The following CAMK2G variants were observed in gnomAD, a reference collection of about 807,000 sequenced individuals.
CAMK2G encodes the protein calcium/calmodulin dependent protein kinase II gamma, also known as calcium/calmodulin-dependent protein kinase type II subunit gamma.
In CAMK2G, 23 loss-of-function variants were observed where a neutral mutation model predicts 88.7. The ratio of observed to expected loss-of-function variants is 0.26; its 90% CI spans 0.19 to 0.37. The LOEUF (loss-of-function observed/expected upper bound fraction) is 0.37, where lower values mean the gene tolerates loss of function less well. Ranked by LOEUF, CAMK2G falls within the 10% of genes least tolerant of loss-of-function variation. CAMK2G has a pLI of 1.00. For missense variants in CAMK2G, 476 were observed against 780.8 expected, an observed-to-expected ratio of 0.61 and a Z score of 4.65; for synonymous variants, 263 against 294.8, an observed-to-expected ratio of 0.89 and a Z score of 1.11.
chr10:73,820,956 T>A (rs990501019), intron 18 of CAMK2G, among the ~76,000 whole-genome samples: 1 of 151,960 alleles, frequency 6.6e-6, no homozygotes, highest in African/African-American at 2.4e-5. Flanking sequence ...ATTACAGGCG[T>A]GAGCCACTAC....
At chr10:73,815,369 G>A (rs1017269775) in intron 21 of CAMK2G, 122 bp from the exon 22 acceptor site, 50 of 628,388 alleles carry the variant, frequency 8.0e-5, no homozygotes, top group Non-Finnish European at 1.0e-4. Flanking sequence ...TCCAAGTACC[G>A]CCCCCCCCCA....
rs187368861 is a variant in CAMK2G at position 73,836,487 on chromosome 10, C to T, written c.1053+981G>A. 7.2e-5 allele frequency among the ~76,000 whole-genome samples: 11 copies of T among 152,322 alleles called. No homozygotes were observed. The East Asian group carries it at 1.9e-3, about 27-fold the overall frequency. ...GGCAGAGCTTGGGGACCGCACGATG[C>T]CCCCAGCTCCATGTCAGAGGGTGTG... On this transcript the variant is annotated intron_variant, in intron 14 of 22. Transcript: ENST00000423381.
At chr10:73,867,002 G>A (rs536681456) in intron 2 of CAMK2G, among the ~76,000 whole-genome samples, 10 of 152,144 alleles carry the variant, frequency 6.6e-5, no homozygotes, top group Non-Finnish European at 8.8e-5. Context: ...AAGTCCATCC[G>A]ACACACAAGA....
intron 2 of CAMK2G, among the ~76,000 whole-genome samples, chr10:73,863,351 C>G (rs546396210): frequency 6.6e-6 from 1 of 152,204 alleles, no homozygotes; most frequent in Admixed American, 6.5e-5. Flanking sequence ...GGCCAGTGAC[C>G]TCCAGAAGCG....
intron 3 of CAMK2G, among the ~76,000 whole-genome samples, chr10:73,857,408 T>C (rs1405072249): frequency 6.6e-6 from 1 of 152,140 alleles, no homozygotes; most frequent in African/African-American, 2.4e-5. Flanking sequence ...CAGTTACTAA[T>C]TAGCAAATCC....
intron 2 of CAMK2G, among the ~76,000 whole-genome samples, chr10:73,870,243 G>A (rs555045982): frequency 3.3e-5 from 5 of 152,174 alleles, no homozygotes; most frequent in Non-Finnish European, 7.4e-5. Flanking sequence ...TCGGCCTAGT[G>A]GAGCTAAGCT....
chr10:73,826,411 C>T (rs1044618130), intron 15 of CAMK2G, among the ~76,000 whole-genome samples: 9 of 152,218 alleles, frequency 5.9e-5, no homozygotes, highest in Middle Eastern at 6.8e-3. Context: ...CCAGCCTGGG[C>T]AACAGAGCAA....
At chr10:73,863,360 C>T (rs1283568222) in intron 2 of CAMK2G, among the ~76,000 whole-genome samples, 2 of 152,196 alleles carry the variant, frequency 1.3e-5, no homozygotes, top group African/African-American at 4.8e-5. Flanking sequence ...CCTCCAGAAG[C>T]GAGGCACTCA....
At chr10:73,820,661 TAA>T (rs1490775828) in intron 18 of CAMK2G, among the ~76,000 whole-genome samples, 1 of 116,736 alleles carries the variant, frequency 8.6e-6, no homozygotes, top group African/African-American at 3.6e-5. Flanking sequence ...CACACCCGGC[TAA>T]TTTTTTTTTT....
chr10:73,850,727 T>C (rs1212138447), intron 5 of CAMK2G, among the ~76,000 whole-genome samples: 1 of 152,108 alleles, frequency 6.6e-6, no homozygotes, highest in African/African-American at 2.4e-5. Flanking sequence ...ATTCCTAAAA[T>C]CTGATGCTGG....
intron 13 of CAMK2G, 147 bp from the exon 14 acceptor site, chr10:73,837,658 C>G: frequency 1.4e-6 from 1 of 739,836 alleles, no homozygotes; most frequent in Admixed American, 1.9e-5. Context: ...CTTCCTATAG[C>G]CTCTCAGCAA....
intron 2 of CAMK2G, among the ~76,000 whole-genome samples, chr10:73,861,802 A>C (rs1289954451): frequency 1.3e-5 from 2 of 152,212 alleles, no homozygotes; most frequent in East Asian, 3.8e-4. Flanking sequence ...GATAATAAAG[A>C]GGTTGATGAT....
intron 21 of CAMK2G, chr10:73,816,239 C>T: frequency 1.0e-6 from 1 of 988,814 alleles, no homozygotes; most frequent in Non-Finnish European, 1.2e-6. Flanking sequence ...ACCCCCTATA[C>T]AAGACGTCTG....
intron 5 of CAMK2G, among the ~76,000 whole-genome samples, chr10:73,850,791 G>A (rs1363118963): frequency 6.6e-6 from 1 of 152,166 alleles, no homozygotes; most frequent in East Asian, 1.9e-4. Flanking sequence ...TGAAACTCGG[G>A]CCTCCCCATA....
At chr10:73,829,369 A>T (rs2133829958) in intron 14 of CAMK2G, among the ~76,000 whole-genome samples, 1 of 151,680 alleles carries the variant, frequency 6.6e-6, no homozygotes, top group South Asian at 2.1e-4. Flanking sequence ...ATCTCGGCTC[A>T]CTGCAACCTC....
rs1240638946 is a variant in CAMK2G at position 73,839,932 on chromosome 10, A to C, written c.947-331T>G. 6.6e-6 allele frequency among the ~76,000 whole-genome samples: 1 copy of C among 152,138 alleles called. No individual in the cohort carries two copies. The highest frequency in any genetic ancestry group is 1.5e-5 in the Non-Finnish European group (1 of 67,984). The stretch of plus-strand genomic sequence containing the variant: ...GAGAGGCAGGTGCCCCTTCTGAGGT[A>C]GCCCGGCCCTAGCTTAAGGCTGTGA... On this transcript the variant is annotated intron_variant, in intron 12 of 22. Transcript: ENST00000423381. The surrounding 1 kb of genome is among the most constrained non-coding windows in gnomAD (Gnocchi z 4.2).
At chr10:73,847,454 C>A in intron 9 of CAMK2G, 107 bp from the exon 10 acceptor site, 1 of 1,236,902 alleles carries the variant, frequency 8.1e-7, no homozygotes, top group Non-Finnish European at 1.2e-6. Flanking sequence ...CTCTGTGGTA[C>A]CTAAAGCTGT....
intron 5 of CAMK2G, among the ~76,000 whole-genome samples, chr10:73,851,409 C>G (rs1401004214): frequency 1.3e-5 from 2 of 152,066 alleles, no homozygotes; most frequent in Non-Finnish European, 2.9e-5. Context: ...GGGAACGGTC[C>G]TCAAGTTGGA....
intron 14 of CAMK2G, among the ~76,000 whole-genome samples, chr10:73,831,998 A>T (rs1590175767): frequency 6.6e-6 from 1 of 151,760 alleles, no homozygotes; most frequent in African/African-American, 2.4e-5. Flanking sequence ...CAATCCTCCC[A>T]CCTCAGCCTC....
Sources: gnomAD v4.1 joint callset for allele counts (sites outside exome capture counted in the v4.1 genomes callset) on GRCh38, gnomAD v4.1.1 for gene constraint, Gnocchi (gnomAD v3.1) non-coding constraint, MANE v1.5 for transcripts, NCBI Gene and HGNC (gene_info 2026-07-23, HGNC 2026-07-21) for gene names.